The following CLSTN1 variants were observed in gnomAD, a reference collection of about 807,000 sequenced individuals.
CLSTN1 encodes the protein calsyntenin 1, also known as calsyntenin-1.
A neutral mutation model predicts 108.3 loss-of-function variants in CLSTN1; 28 were observed. The ratio of observed to expected loss-of-function variants is 0.26; its 90% CI spans 0.19 to 0.35. The LOEUF (loss-of-function observed/expected upper bound fraction) is 0.35, where lower values mean the gene tolerates loss of function less well. CLSTN1 is among the 10% of genes least tolerant of loss of function. The pLI is 1.00. For synonymous variants in CLSTN1, 524 were observed against 534.9 expected (o/e 0.98, Z 0.28); for missense variants, 1,157 against 1,302.6 (o/e 0.89, Z 1.72).
chr1:9,754,795 C>T (rs553204920), intron 4 of CLSTN1, among the ~76,000 whole-genome samples: 145 of 152,192 alleles, frequency 9.5e-4, no homozygotes, highest in African/African-American at 3.2e-3. Context: ...GCGGAGGTTG[C>T]GGCGAGCCAA....
chr1:9,762,320 A>G (rs1275548307), intron 2 of CLSTN1, among the ~76,000 whole-genome samples: 1 of 152,050 alleles, frequency 6.6e-6, no homozygotes, highest in Non-Finnish European at 1.5e-5. Flanking sequence ...AATTAGCCGG[A>G]CATGGTGGCA....
chr1:9,766,646 C>T (rs1330255738), intron 2 of CLSTN1, among the ~76,000 whole-genome samples: 7 of 152,080 alleles, frequency 4.6e-5, no homozygotes, highest in African/African-American at 1.4e-4. Flanking sequence ...GGTGACAGAG[C>T]GAGACCCTGT....
chr1:9,748,777 C>T (rs2101104550), intron 7 of CLSTN1, among the ~76,000 whole-genome samples: 1 of 152,228 alleles, frequency 6.6e-6, no homozygotes, highest in South Asian at 2.1e-4. Flanking sequence ...GCATGAGCCC[C>T]CATGCCCTGG....
intron 2 of CLSTN1, among the ~76,000 whole-genome samples, chr1:9,765,548 T>C (rs537333628): frequency 2.2e-4 from 33 of 150,176 alleles, no homozygotes; most frequent in African/African-American, 7.9e-4. Flanking sequence ...CGAAATCACT[T>C]GAACCCGGGA....
At chr1:9,800,940 AAAATAAAT>A (rs200056743) in intron 1 of CLSTN1, among the ~76,000 whole-genome samples, 1 of 151,438 alleles carries the variant, frequency 6.6e-6, no homozygotes, top group African/African-American at 2.4e-5. Context: ...CTCAGTCTCA[AAAATAAAT>A]AAATAAATAA....
intron 1 of CLSTN1, among the ~76,000 whole-genome samples, chr1:9,791,455 A>T (rs982490282): frequency 2.0e-5 from 3 of 151,450 alleles, no homozygotes; most frequent in Non-Finnish European, 4.4e-5. Flanking sequence ...GCTGGTCTCG[A>T]ACTTCTGGGC....
chr1:9,748,494 T>G (rs1651390593), intron 7 of CLSTN1, among the ~76,000 whole-genome samples: 1 of 152,204 alleles, frequency 6.6e-6, no homozygotes, highest in Non-Finnish European at 1.5e-5. Context: ...TATTTTTCCT[T>G]CAGTTCTTTT....
At chr1:9,792,619 G>A (rs1371980123) in intron 1 of CLSTN1, among the ~76,000 whole-genome samples, 1 of 151,420 alleles carries the variant, frequency 6.6e-6, no homozygotes, top group Non-Finnish European at 1.5e-5. Flanking sequence ...CGGGTGTCGG[G>A]AACCATGCCC....
intron 1 of CLSTN1, among the ~76,000 whole-genome samples, chr1:9,810,648 A>C (rs917176794): frequency 1.3e-5 from 2 of 150,316 alleles, no homozygotes; most frequent in Admixed American, 6.7e-5. Context: ...GGTGGTGTAC[A>C]CCTATAATCC....
intron 1 of CLSTN1, among the ~76,000 whole-genome samples, chr1:9,804,665 T>A (rs569230704): frequency 6.6e-6 from 1 of 152,206 alleles, no homozygotes; most frequent in South Asian, 2.1e-4. Context: ...GGCAACACAG[T>A]GAAATCCCGT....
rs189924172 is a variant in CLSTN1, at chr1:9,804,220, G to A, written c.91+19423C>T. On this transcript the variant is annotated intron_variant, in intron 1 of 18. Transcript: ENST00000377298. Reference sequence around the variant, plus strand: ...TACTAAAAATACAAAAAAATTAGCCGGGCGTGGTGGCGGGCGCCTGTAGTC... The same window carrying A: ...TACTAAAAATACAAAAAAATTAGCCAGGCGTGGTGGCGGGCGCCTGTAGTC... Among the ~76,000 whole-genome samples the A allele has an allele frequency of 4.5e-3, 682 of 152,030 alleles. 14 individuals are homozygous for A. The highest frequency in any genetic ancestry group is 0.043 in the East Asian group (220 of 5,168).
intron 1 of CLSTN1, among the ~76,000 whole-genome samples, chr1:9,794,373 A>G (rs1250035920): frequency 2.0e-5 from 3 of 151,480 alleles, no homozygotes; most frequent in East Asian, 4.0e-4. Context: ...CAGTCACGCA[A>G]TCTCAGCTCA....
intron 1 of CLSTN1, among the ~76,000 whole-genome samples, chr1:9,801,914 A>C (rs1056056521): frequency 6.6e-6 from 1 of 152,188 alleles, no homozygotes; most frequent in African/African-American, 2.4e-5. Flanking sequence ...CTACACACCA[A>C]TATCTCTCAT....
chr1:9,740,992 G>C (rs375464173), intron 10 of CLSTN1, 102 bp downstream of exon 10: 5 of 1,279,634 alleles, frequency 3.9e-6, no homozygotes, highest in Middle Eastern at 2.8e-4. Context: ...TCCAGGACAC[G>C]AGGGTAAGGC....
rs538070280 is a variant in CLSTN1, at chr1:9,757,005, C to T, written c.215-495G>A. On this transcript the variant is annotated intron_variant, in intron 2 of 18. Coordinates refer to ENST00000377298, the MANE Select transcript of CLSTN1 (RefSeq NM_001009566.3). ...ATGTTAGCCAGGATGGTCTCGATCT[C>T]CTGACCTCGTGATCCGCCCACCTCG... 4.0e-5 allele frequency among the ~76,000 whole-genome samples: 6 copies of T among 151,704 alleles called. No individual in the cohort carries two copies. In the South Asian group the frequency reaches 1.3e-3, roughly 32 times the overall value.
At chr1:9,779,129 T>C (rs557073727) in intron 1 of CLSTN1, among the ~76,000 whole-genome samples, 4 of 152,150 alleles carry the variant, frequency 2.6e-5, no homozygotes, top group South Asian at 2.1e-4. Flanking sequence ...GCAGGAGGTA[T>C]GTGTGAGGCT....
chr1:9,746,673 G>A (rs898800632), intron 7 of CLSTN1, among the ~76,000 whole-genome samples: 1 of 151,488 alleles, frequency 6.6e-6, no homozygotes. Context: ...AAGATAGCAC[G>A]ATTGCATTCC....
chr1:9,777,198 C>T (rs1370864469), intron 1 of CLSTN1, among the ~76,000 whole-genome samples: 5 of 132,746 alleles, frequency 3.8e-5, no homozygotes, highest in African/African-American at 9.0e-5. Context: ...CCAGCCTGGG[C>T]GACAGAGCGA....
chr1:9,751,409 G>T, intron 5 of CLSTN1, 64 bp downstream of exon 5: 1 of 1,508,012 alleles, frequency 6.6e-7, no homozygotes, highest in Non-Finnish European at 9.2e-7. Flanking sequence ...AAGCTGGGGT[G>T]TAAAGTCAGT....
Sources: gnomAD v4.1 joint callset for allele counts (sites outside exome capture counted in the v4.1 genomes callset) on GRCh38, gnomAD v4.1.1 for gene constraint, MANE v1.5 for transcripts, NCBI Gene and HGNC (gene_info 2026-07-23, HGNC 2026-07-21) for gene names.